The following SCAF4 variants were observed in gnomAD, a reference collection of about 807,000 sequenced individuals.
SCAF4 encodes SR-related CTD associated factor 4.
Under a neutral mutation model 129.8 loss-of-function variants are expected in SCAF4, and 25 were observed. The observed-to-expected ratio is 0.19, with a 90% CI of 0.14 to 0.27. The LOEUF is 0.27. Among genes scored for constraint, SCAF4 ranks in the 10% least tolerant of loss-of-function variants. SCAF4 has a pLI of 1.00. For synonymous variants in SCAF4, 551 were observed against 497.7 expected, an observed-to-expected ratio of 1.11 and a Z score of -1.43; for missense variants, 1,246 against 1,457.1, an observed-to-expected ratio of 0.86 and a Z score of 2.36.
chr21:31,671,130 G>T lies in SCAF4; in HGVS notation c.*269C>A, dbSNP rs556341128. ...AATTAAAAAAAAAAAAAAAAATAGA[G>T]AGCACTTCTAATTACGATTTGTAAA... On this transcript the variant is annotated 3_prime_UTR_variant, in exon 20 of 20. Transcript: ENST00000286835. 286 of 275,240 alleles carry T rather than the reference G, an allele frequency of 1.0e-3. No individual in the cohort carries two copies. Among genetic ancestry groups the T allele is most frequent in the Middle Eastern group, 2.4e-3 (2 of 842 alleles). The allele number at this position is 275,240 out of a possible 1,614,324, so 17.0% of individuals were successfully genotyped here.
At chr21:31,687,860 C>T (rs547963021) in intron 16 of SCAF4, among the ~76,000 whole-genome samples, 3 of 152,172 alleles carry the variant, frequency 2.0e-5, no homozygotes, top group Non-Finnish European at 4.4e-5. Flanking sequence ...GTAATCCCAG[C>T]ACTTTGGGAG....
At chr21:31,707,283 G>A (rs1301066250) in intron 1 of SCAF4, among the ~76,000 whole-genome samples, 3 of 152,182 alleles carry the variant, frequency 2.0e-5, no homozygotes, top group African/African-American at 7.2e-5. Flanking sequence ...AACCCAGGAG[G>A]TGGAGGTTGC....
At chr21:31,714,828 C>T (rs1601257182) in intron 1 of SCAF4, among the ~76,000 whole-genome samples, 1 of 152,176 alleles carries the variant, frequency 6.6e-6, no homozygotes, top group African/African-American at 2.4e-5. Context: ...AATCTCTTAG[C>T]CCAGTACCTA....
chr21:31,702,330 T>C lies in SCAF4; in HGVS notation c.371A>G (p.Lys124Arg), dbSNP rs768757705. 13 of 1,614,120 alleles carry C rather than the reference T, an allele frequency of 8.1e-6. No homozygotes were observed. In the East Asian group the frequency reaches 1.1e-4, roughly 14 times the overall value. ...CAAAAGAGGTTGAATAATTTCAATT[T>C]TGAACACTCCATTTTTTTGCCAAAG... ...LNLWQKNGVF[K>R]IEIIQPLLDM... The change falls in exon 5 of 20, where the codon AAA becomes AGA. Residue 124 changes from lysine to arginine, a missense_variant. Transcript: ENST00000286835.
intron 1 of SCAF4, among the ~76,000 whole-genome samples, chr21:31,728,087 T>C (rs1341702609): frequency 1.3e-5 from 2 of 152,142 alleles, no homozygotes; most frequent in Admixed American, 6.6e-5. Flanking sequence ...ATTTCTCTTA[T>C]CCATAATTTT....
intron 1 of SCAF4, among the ~76,000 whole-genome samples, chr21:31,718,227 T>TGAGG (rs889709391): frequency 1.3e-5 from 2 of 152,176 alleles, no homozygotes; most frequent in African/African-American, 4.8e-5. Flanking sequence ...ATTACAGGCG[T>TGAGG]GAGGCACTGT....
At chr21:31,706,241 A>C in intron 2 of SCAF4, 33 bp downstream of exon 2, 2 of 1,392,900 alleles carry the variant, frequency 1.4e-6, no homozygotes, top group Non-Finnish European at 2.0e-6. Context: ...AAATTTCAAA[A>C]AGATTTCTCA....
chr21:31,704,129 T>C (rs980306062), intron 3 of SCAF4, among the ~76,000 whole-genome samples: 1 of 152,058 alleles, frequency 6.6e-6, no homozygotes, highest in South Asian at 2.1e-4. Flanking sequence ...TTGATACTAC[T>C]GACCCCCAAG....
intron 1 of SCAF4, among the ~76,000 whole-genome samples, chr21:31,722,938 G>C (rs1430030562): frequency 6.6e-6 from 1 of 151,982 alleles, no homozygotes; most frequent in Non-Finnish European, 1.5e-5. Context: ...GGGTGACAGA[G>C]CAAGACTCCA....
At chr21:31,685,505 T>G in intron 17 of SCAF4, 21 bp from the exon 18 acceptor site, 1 of 1,613,200 alleles carries the variant, frequency 6.2e-7, no homozygotes, top group Non-Finnish European at 8.5e-7. Flanking sequence ...AAAAATAATG[T>G]CAACTTATGC....
chr21:31,672,406 G>T, intron 19 of SCAF4, 52 bp from the exon 20 acceptor site: 1 of 1,349,594 alleles, frequency 7.4e-7, no homozygotes, highest in Non-Finnish European at 1.1e-6. Context: ...TGGCACTCCA[G>T]TTTCAGCTGT....
At chr21:31,675,583 C>A (rs1375630988) in intron 19 of SCAF4, among the ~76,000 whole-genome samples, 1 of 152,108 alleles carries the variant, frequency 6.6e-6, no homozygotes, top group African/African-American at 2.4e-5. Flanking sequence ...GGTGTTAACT[C>A]CCCCGGAATA....
chr21:31,683,242 G>C (rs748522938), intron 19 of SCAF4, among the ~76,000 whole-genome samples: 1 of 152,184 alleles, frequency 6.6e-6, no homozygotes, highest in Non-Finnish European at 1.5e-5. Flanking sequence ...AGATGGACAT[G>C]CAAACAGTAT....
chr21:31,712,527 C>CTTTT (rs567950595), intron 1 of SCAF4, among the ~76,000 whole-genome samples: 2 of 124,020 alleles, frequency 1.6e-5, no homozygotes, highest in African/African-American at 3.1e-5. Context: ...CTGATTCTCC[C>CTTTT]TTTTTTTTTT....
At position 31,702,390 on chromosome 21, in the gene SCAF4, T is replaced by C. The variant is rs754239547; in HGVS notation, c.322-11A>G. 5.6e-6 allele frequency: 9 copies of C among 1,610,964 alleles called. No individual in the cohort carries two copies. The highest frequency in any genetic ancestry group is 4.5e-5 in the East Asian group (2 of 44,808). On this transcript the variant is annotated splice_polypyrimidine_tract_variant and intron_variant, in intron 4 of 19. Coordinates refer to ENST00000286835, the MANE Select transcript of SCAF4 (RefSeq NM_020706.2). ...ACGAACTATTTTACTCTGTTACGCATGAGAAACACAAATATACAATAAATA... is the reference window on the plus strand; with the variant it reads ...ACGAACTATTTTACTCTGTTACGCACGAGAAACACAAATATACAATAAATA...
At chr21:31,722,813 T>C (rs1166960549) in intron 1 of SCAF4, among the ~76,000 whole-genome samples, 4 of 151,748 alleles carry the variant, frequency 2.6e-5, no homozygotes, top group African/African-American at 7.3e-5. Flanking sequence ...ATTAGCCGGG[T>C]GTGGTGGCAC....
chr21:31,686,557 C>T (rs910998898), intron 16 of SCAF4, among the ~76,000 whole-genome samples: 3 of 152,094 alleles, frequency 2.0e-5, no homozygotes. Flanking sequence ...ATACTAAGTG[C>T]TGGTGCCTGG....
rs1217162525 is a variant in SCAF4, at chr21:31,701,817, C to G, written c.559G>C (p.Ala187Pro). The change falls in exon 6 of 20, where the codon GCT becomes CCT. Residue 187 changes from alanine to proline, a missense_variant. By Grantham distance (27) the Ala-to-Pro change is conservative (BLOSUM62 -1). Coordinates refer to ENST00000286835, the MANE Select transcript of SCAF4 (RefSeq NM_020706.2). ...GTCTGAAACAGCTGAGCCACAGCAG[C>G]AAAAGCATCAGAGCTGGGCAACTGT... ...VPQLPSSDAF[A>P]AVAQLFQTTQ... 6.2e-7 allele frequency: 1 copy of G among 1,613,594 alleles called. No homozygotes were observed. The highest frequency in any genetic ancestry group is 8.5e-7 in the Non-Finnish European group (1 of 1,179,912).
chr21:31,713,791 A>G (rs2050861365), intron 1 of SCAF4, among the ~76,000 whole-genome samples: 1 of 152,170 alleles, frequency 6.6e-6, no homozygotes, highest in Admixed American at 6.5e-5. Context: ...CCATGTCAGA[A>G]AAAAACTTCA....
Sources: allele counts gnomAD v4.1 joint callset (sites outside exome capture counted in the v4.1 genomes callset), GRCh38; gene constraint gnomAD v4.1.1; transcripts MANE v1.5; gene names NCBI Gene and HGNC (gene_info 2026-07-23, HGNC 2026-07-21).